Variants in GRM5 observed in about 807,000 individuals in gnomAD.
GRM5 encodes the protein metabotropic glutamate receptor 5.
Under a neutral mutation model 83.1 loss-of-function variants are expected in GRM5, and 19 were observed. That is an observed-to-expected ratio of 0.23 (90% CI 0.16 to 0.34). The LOEUF (loss-of-function observed/expected upper bound fraction) is 0.34, where lower values mean the gene tolerates loss of function less well. Among genes scored for constraint, GRM5 ranks in the 10% least tolerant of loss-of-function variants. GRM5 has a pLI of 1.00. For missense variants in GRM5, 1,160 were observed against 1,588.3 expected (o/e 0.73, Z 4.58); for synonymous variants, 675 against 633.6 (o/e 1.07, Z -0.98).
At chr11:88,542,135 G>T (rs1942281551) in intron 8 of GRM5, among the ~76,000 whole-genome samples, 1 of 152,106 alleles carries the variant, frequency 6.6e-6, no homozygotes, top group African/African-American at 2.4e-5. Context: ...TACCTTTATA[G>T]AAGGGTGAGA....
intron 4 of GRM5, among the ~76,000 whole-genome samples, chr11:88,630,670 G>A (rs951513524): frequency 2.0e-5 from 3 of 151,770 alleles, no homozygotes; most frequent in Non-Finnish European, 2.9e-5. Flanking sequence ...CCTCTGCCTC[G>A]CGGGTTTAAG....
At chr11:88,521,812 A>G (rs1381046983) in intron 9 of GRM5, among the ~76,000 whole-genome samples, 1 of 152,194 alleles carries the variant, frequency 6.6e-6, no homozygotes, top group Admixed American at 6.5e-5. Context: ...CTTTCCCAGC[A>G]TGAGGGTTGA....
At chr11:88,921,301 A>C (rs557556104) in intron 2 of GRM5, among the ~76,000 whole-genome samples, 3 of 152,306 alleles carry the variant, frequency 2.0e-5, no homozygotes, top group African/African-American at 4.8e-5. Context: ...GATAAAATTC[A>C]GCATTCTTTT....
chr11:88,967,933 C>T (rs1939037004), intron 2 of GRM5, among the ~76,000 whole-genome samples: 1 of 152,090 alleles, frequency 6.6e-6, no homozygotes, highest in Non-Finnish European at 1.5e-5. Context: ...GTGAAGACTA[C>T]ACCTAAGAGC....
chr11:88,830,861 A>T (rs908125327), intron 3 of GRM5, among the ~76,000 whole-genome samples: 3 of 152,174 alleles, frequency 2.0e-5, no homozygotes, highest in Admixed American at 6.5e-5. Flanking sequence ...TCACGAAGGT[A>T]GGCAAGGAAG....
At chr11:88,883,010 G>T (rs902643227) in intron 2 of GRM5, among the ~76,000 whole-genome samples, 2 of 152,154 alleles carry the variant, frequency 1.3e-5, no homozygotes, top group Non-Finnish European at 2.9e-5. Context: ...CTTCTGCTAT[G>T]ATTTTTGAGG....
chr11:89,009,619 G>T (rs1386635091), intron 2 of GRM5, among the ~76,000 whole-genome samples: 2 of 151,822 alleles, frequency 1.3e-5, no homozygotes, highest in Non-Finnish European at 2.9e-5. Flanking sequence ...AAATCAGGCC[G>T]GGCGCGGTGG....
chr11:88,577,616 T>C (rs1943139909), intron 7 of GRM5, among the ~76,000 whole-genome samples: 1 of 152,150 alleles, frequency 6.6e-6, no homozygotes. Context: ...CTTTAATACC[T>C]ACAAGGTCCT....
intron 1 of GRM5, among the ~76,000 whole-genome samples, chr11:89,058,910 CATTTT>C (rs1941930940): frequency 6.6e-6 from 1 of 150,898 alleles, no homozygotes; most frequent in African/African-American, 2.5e-5. Context: ...GTTGATTTTT[CATTTT>C]ATTTATTTTT....
chr11:88,903,811 G>T (rs1404395165), intron 2 of GRM5, among the ~76,000 whole-genome samples: 6 of 152,118 alleles, frequency 3.9e-5, no homozygotes, highest in Non-Finnish European at 1.5e-5. Context: ...ACATTATTTG[G>T]GTGATGAACA....
chr11:88,785,909 T>C (rs975128034), intron 3 of GRM5, among the ~76,000 whole-genome samples: 3 of 152,126 alleles, frequency 2.0e-5, no homozygotes, highest in Non-Finnish European at 4.4e-5. Flanking sequence ...CTTTCCTGCT[T>C]TGCTCAGGTT....
intron 2 of GRM5, among the ~76,000 whole-genome samples, chr11:88,972,373 C>A (rs1939192400): frequency 6.6e-6 from 1 of 152,136 alleles, no homozygotes; most frequent in South Asian, 2.1e-4. Context: ...TGGCCAGAAG[C>A]CCCTCTCAGG....
intron 8 of GRM5, among the ~76,000 whole-genome samples, chr11:88,556,197 G>A (rs938647328): frequency 4.6e-5 from 7 of 152,056 alleles, no homozygotes; most frequent in Non-Finnish European, 1.0e-4. Flanking sequence ...AAAGAGTAAA[G>A]TCATGTAACC....
At chr11:88,794,723 A>G (rs943841890) in intron 3 of GRM5, among the ~76,000 whole-genome samples, 2 of 152,200 alleles carry the variant, frequency 1.3e-5, no homozygotes, top group East Asian at 3.9e-4. Context: ...GAAGATGATG[A>G]TGAACGAGTG....
intron 2 of GRM5, among the ~76,000 whole-genome samples, chr11:88,957,191 T>C (rs1938644517): frequency 6.6e-6 from 1 of 152,102 alleles, no homozygotes; most frequent in Non-Finnish European, 1.5e-5. Flanking sequence ...CCAGGTGACA[T>C]CACTAAGAAA....
At position 89,065,366 on chromosome 11, in the gene GRM5, C is replaced by T. The variant is rs116014068; in HGVS notation, c.-201+410G>A. 6.3e-3 allele frequency among the ~76,000 whole-genome samples: 951 copies of T among 151,150 alleles called. 8 individuals carry two copies. Among genetic ancestry groups the T allele is most frequent in the African/African-American group, 0.022 (917 of 41,080 alleles). ...CACAGAGAGAGAGATCCAAACGTAT[C>T]CTTTGGCTCGGATCTTTATCTTTTC... is the stretch of plus-strand genomic sequence containing the variant. On this transcript the variant is annotated intron_variant, in intron 1 of 9. Transcript: ENST00000305447.
At chr11:88,877,829 G>GAA (rs60787581) in intron 2 of GRM5, among the ~76,000 whole-genome samples, 24,956 of 136,844 alleles carry the variant, frequency 0.18, 4,690 homozygotes, top group African/African-American at 0.45. Context: ...CTCTGTGGAA[G>GAA]AAAAAAAAAA....
At chr11:88,700,505 A>C (rs1214523748) in intron 3 of GRM5, among the ~76,000 whole-genome samples, 1 of 152,192 alleles carries the variant, frequency 6.6e-6, no homozygotes, top group Non-Finnish European at 1.5e-5. Context: ...AAGGAGACCA[A>C]CCAGCTATTT....
chr11:89,028,494 G>T (rs969261891), intron 2 of GRM5, among the ~76,000 whole-genome samples: 1 of 152,126 alleles, frequency 6.6e-6, no homozygotes, highest in African/African-American at 2.4e-5. Flanking sequence ...TGAGAAAGAG[G>T]CTGAGACAGG....
Sources: allele counts gnomAD v4.1 joint callset (sites outside exome capture counted in the v4.1 genomes callset), GRCh38; gene constraint gnomAD v4.1.1; transcripts MANE v1.5; gene names NCBI Gene and HGNC (gene_info 2026-07-23, HGNC 2026-07-21).